ARHGAP6: variants seen among roughly 807,000 people sequenced by gnomAD.
The protein encoded by ARHGAP6 is rho GTPase-activating protein 6.
ARHGAP6 carries 16 observed loss-of-function variants against 55.7 expected under a neutral mutation model. The ratio of observed to expected loss-of-function variants is 0.29; its 90% confidence interval spans 0.19 to 0.44. The LOEUF (loss-of-function observed/expected upper bound fraction) is 0.44. ARHGAP6 is among the 20% of genes least tolerant of loss of function. The pLI, the probability that ARHGAP6 is intolerant of heterozygous loss-of-function variation, is 1.00. For synonymous variants in ARHGAP6, 382 were observed against 360.9 expected, an observed-to-expected ratio of 1.06 and a Z score of -0.66; for missense variants, 698 against 808.9, an observed-to-expected ratio of 0.86 and a Z score of 1.66.
At chrX:11,227,156 A>C (rs774508366) in intron 2 of ARHGAP6, among the ~76,000 whole-genome samples, 1 of 111,807 alleles carries the variant, frequency 8.9e-6, no homozygotes, top group East Asian at 2.8e-4. Flanking sequence ...ATTTTCAAGC[A>C]ACTTAAGGAT....
At chrX:11,317,734 G>A (rs1182360711) in intron 1 of ARHGAP6, among the ~76,000 whole-genome samples, 1 of 111,651 alleles carries the variant, frequency 9.0e-6, no homozygotes, top group Non-Finnish European at 1.9e-5. Context: ...CTTAGAGCAG[G>A]ATTCCATAGT....
At chrX:11,396,406 G>T (rs1478882583) in intron 1 of ARHGAP6, among the ~76,000 whole-genome samples, 1 of 111,243 alleles carries the variant, frequency 9.0e-6, no homozygotes, top group Non-Finnish European at 1.9e-5. Flanking sequence ...ATCAAAGAGA[G>T]GTCTGGGGAT....
At chrX:11,289,609 CAG>C (rs924725325) in intron 1 of ARHGAP6, among the ~76,000 whole-genome samples, 4 of 111,965 alleles carry the variant, frequency 3.6e-5, no homozygotes, top group African/African-American at 1.3e-4. Context: ...TTGACAAACG[CAG>C]AGTGACATCC....
chrX:11,534,435 C>A (rs1310448069), intron 1 of ARHGAP6, among the ~76,000 whole-genome samples: 1 of 111,409 alleles, frequency 9.0e-6, no homozygotes, highest in Non-Finnish European at 1.9e-5. Flanking sequence ...TTGGATAATA[C>A]TTGATGGCGG....
At chrX:11,471,276 A>C (rs894628145) in intron 1 of ARHGAP6, among the ~76,000 whole-genome samples, 2 of 112,284 alleles carry the variant, frequency 1.8e-5, no homozygotes, top group Non-Finnish European at 3.8e-5. Flanking sequence ...AACAACAGTA[A>C]CAAAAGCCTT....
At chrX:11,245,914 T>C (rs1240759992) in intron 2 of ARHGAP6, among the ~76,000 whole-genome samples, 1 of 112,226 alleles carries the variant, frequency 8.9e-6, no homozygotes, top group Admixed American at 9.5e-5. Flanking sequence ...TCTTCTTTTA[T>C]ATGAAATAGA....
chrX:11,163,433 G>A (rs1469453215), intron 9 of ARHGAP6, among the ~76,000 whole-genome samples: 1 of 111,552 alleles, frequency 9.0e-6, no homozygotes, highest in Non-Finnish European at 1.9e-5. Context: ...ACCATTAAGG[G>A]CTTTTTGAAG....
chrX:11,371,265 C>G (rs2049140585), intron 1 of ARHGAP6, among the ~76,000 whole-genome samples: 1 of 111,957 alleles, frequency 8.9e-6, no homozygotes, highest in Non-Finnish European at 1.9e-5. Flanking sequence ...GGTCAGCAAA[C>G]TATAATCCAT....
chrX:11,489,681 T>G, intron 1 of ARHGAP6, among the ~76,000 whole-genome samples: 1 of 112,018 alleles, frequency 8.9e-6, no homozygotes, highest in Non-Finnish European at 1.9e-5. Flanking sequence ...TGTATGGTTT[T>G]GACTTAGGGT....
intron 1 of ARHGAP6, among the ~76,000 whole-genome samples, chrX:11,364,563 C>A (rs1430129797): frequency 2.7e-5 from 3 of 110,718 alleles, no homozygotes; most frequent in Non-Finnish European, 1.9e-5. Context: ...CATCCCGGCT[C>A]CAAAGATAGA....
intron 1 of ARHGAP6, among the ~76,000 whole-genome samples, chrX:11,573,454 G>A (rs1255425453): frequency 1.2e-3 from 131 of 110,012 alleles, no homozygotes; most frequent in Non-Finnish European, 1.8e-3. Context: ...TCCTTTCCCC[G>A]TTGCTTGTTT....
chrX:11,296,912 C>G (rs2048094989), intron 1 of ARHGAP6: 2 of 1,090,130 alleles, frequency 1.8e-6, no homozygotes, highest in Non-Finnish European at 2.5e-6. Flanking sequence ...GATTCTTTAT[C>G]CCAGATGTTT....
chrX:11,395,405 G>A (rs2049464418), intron 1 of ARHGAP6, among the ~76,000 whole-genome samples: 1 of 112,375 alleles, frequency 8.9e-6, no homozygotes, highest in South Asian at 3.7e-4. Flanking sequence ...GGACTCAATG[G>A]GGCAGCAGTG....
intron 1 of ARHGAP6, among the ~76,000 whole-genome samples, chrX:11,438,652 T>G (rs1040262880): frequency 8.9e-6 from 1 of 112,911 alleles, no homozygotes; most frequent in East Asian, 2.8e-4. Flanking sequence ...AGAAATTGTT[T>G]CTATCTTGCC....
chrX:11,335,736 T>C (rs1186062984), intron 1 of ARHGAP6: 27 of 322,663 alleles, frequency 8.4e-5, no homozygotes, highest in South Asian at 7.2e-4. Context: ...ATCTTTTTGC[T>C]GTTGATTTCC....
At position 11,628,300 on chromosome X, in the gene ARHGAP6, CACAG is replaced by C. The variant is rs749254946; in HGVS notation, c.588+35937_588+35940del. ...TGAAATAGACATCACAAAGTGATTT[CACAG>C]ACAATTATTTGAAAGATACAGGGAA... On this transcript the variant is annotated intron_variant, in intron 1 of 12. Coordinates refer to ENST00000337414, the MANE Select transcript of ARHGAP6 (RefSeq NM_013427.3). Among the ~76,000 whole-genome samples, 299 of 112,227 alleles carry C rather than the reference CACAG, an allele frequency of 2.7e-3. 1 individual carries two copies. Among genetic ancestry groups the C allele is most frequent in the African/African-American group, 9.3e-3 (289 of 30,974 alleles).
In ARHGAP6 at chrX:11,427,912, C is replaced by T. The variant is rs766303878; in HGVS notation, c.589-173205G>A. On this transcript the variant is annotated intron_variant, in intron 1 of 12. Coordinates refer to ENST00000337414, the MANE Select transcript of ARHGAP6 (RefSeq NM_013427.3). ...GGGCGGGCGTTTAATTCCTTCCGCT[C>T]CTGGCGGGTCCCTCCGGCGGCCGCC... 1,125 of 501,513 alleles carry T rather than the reference C, an allele frequency of 2.2e-3. 5 individuals carry two copies. Among genetic ancestry groups the T allele is most frequent in the Non-Finnish European group, 2.7e-3 (1,084 of 408,397 alleles). The allele number at this position is 501,513 out of a possible 1,213,427, so 41.3% of individuals were successfully genotyped here. A position where few individuals can be genotyped will look rare whatever the true frequency, so the allele number is the denominator to read the frequency against.
chrX:11,515,825 A>G (rs752372050), intron 1 of ARHGAP6, among the ~76,000 whole-genome samples: 10 of 112,607 alleles, frequency 8.9e-5, no homozygotes, highest in Non-Finnish European at 1.7e-4. Context: ...TCAAAACCTC[A>G]CATGATTTAT....
At chrX:11,287,895 G>A (rs1473368036) in intron 1 of ARHGAP6, among the ~76,000 whole-genome samples, 1 of 112,382 alleles carries the variant, frequency 8.9e-6, no homozygotes, top group Non-Finnish European at 1.9e-5. Context: ...TTGGCCTTCA[G>A]CTCCTCTTAT....
Sources: allele counts gnomAD v4.1 joint callset (sites outside exome capture counted in the v4.1 genomes callset), GRCh38; gene constraint gnomAD v4.1.1; transcripts MANE v1.5; gene names NCBI Gene and HGNC (gene_info 2026-07-23, HGNC 2026-07-21).